PIK3R4: variants seen among roughly 807,000 people sequenced by gnomAD.
PIK3R4 encodes the protein phosphoinositide-3-kinase regulatory subunit 4.
In PIK3R4, 46 loss-of-function variants were observed where a neutral mutation model predicts 136.5. The ratio of observed to expected loss-of-function variants is 0.34; its 90% CI spans 0.27 to 0.43. The LOEUF (loss-of-function observed/expected upper bound fraction) is 0.43. PIK3R4 is among the 20% of genes least tolerant of loss of function. The pLI is 1.00. For synonymous variants in PIK3R4, 557 were observed against 566.7 expected (o/e 0.98, Z 0.24); for missense variants, 1,331 against 1,649.5 (o/e 0.81, Z 3.35).
rs538273210 is a variant in PIK3R4, at chr3:130,734,126, G to A, written c.872C>T (p.Thr291Ile). 1.2e-6 allele frequency: 2 copies of A among 1,607,246 alleles called. No individual in the cohort carries two copies. Among genetic ancestry groups the A allele is most frequent in the Middle Eastern group, 1.7e-4 (1 of 6,026 alleles). The change falls in exon 4 of 20, where the codon ACT (threonine) becomes ATT (isoleucine). Residue 291 changes from threonine to isoleucine, a missense_variant. This residue lies in a region of PIK3R4 where 1,180 missense variants were observed against 1,407.0 expected (regional missense o/e 0.84). Transcript: ENST00000356763. ...ATCTGGCTCACGGTGAATCATCTGA[G>A]TTACCTATACCAAGGGAAGAAAAGG... is the stretch of plus-strand genomic sequence containing the variant. ...IEDHSIRELV[T>I]QMIHREPDKR...
chr3:130,705,901 C>T (rs2066603789), intron 11 of PIK3R4, 130 bp from the exon 12 acceptor site: 2 of 519,760 alleles, frequency 3.8e-6, no homozygotes, highest in East Asian at 3.1e-5. Flanking sequence ...ATTTTAAAAT[C>T]GATATAATTA....
At chr3:130,681,637 G>A (rs2066459047) in intron 16 of PIK3R4, 46 bp from the exon 17 acceptor site, 1 of 1,186,134 alleles carries the variant, frequency 8.4e-7, no homozygotes, top group South Asian at 1.3e-5. Context: ...AAAAAGAGTT[G>A]GAGAAGATTA....
intron 2 of PIK3R4, among the ~76,000 whole-genome samples, chr3:130,736,460 T>G (rs995755582): frequency 2.0e-5 from 3 of 152,048 alleles, no homozygotes; most frequent in Non-Finnish European, 2.9e-5. Flanking sequence ...TCCCAGCTAC[T>G]TGGGAGGCTG....
chr3:130,706,418 TG>T (rs2066606395), intron 11 of PIK3R4, among the ~76,000 whole-genome samples: 1 of 152,144 alleles, frequency 6.6e-6, no homozygotes. Context: ...ACATGAAAAA[TG>T]GGATGGCTAT....
chr3:130,680,568 T>C lies in PIK3R4; in HGVS notation c.3906+45A>G, dbSNP rs978205785. On this transcript the variant is annotated intron_variant, in intron 19 of 19. Coordinates refer to ENST00000356763, the MANE Select transcript of PIK3R4 (RefSeq NM_014602.3). ...TAATCAATTCTGTTTACAAAAGCCA[T>C]GTTTGTGCTTACAAAAGGTGAAAGG... is the stretch of plus-strand genomic sequence containing the variant. 6 of 1,029,572 alleles carry C rather than the reference T, an allele frequency of 5.8e-6. No homozygotes were observed. In the Admixed American group the frequency reaches 9.8e-5, roughly 17 times the overall value. The allele number at this position is 1,029,572 out of a possible 1,614,324, so 63.8% of individuals were successfully genotyped here. A position where few individuals can be genotyped will look rare whatever the true frequency, so the allele number is the denominator to read the frequency against.
At chr3:130,736,175 T>A (rs979253161) in intron 2 of PIK3R4, among the ~76,000 whole-genome samples, 173 bp from the exon 3 acceptor site, 8 of 152,220 alleles carry the variant, frequency 5.3e-5, no homozygotes, top group African/African-American at 1.7e-4. Context: ...AAATGTCTAT[T>A]ACCCGAACAC....
intron 12 of PIK3R4, among the ~76,000 whole-genome samples, chr3:130,705,296 C>A (rs913189100): frequency 1.3e-5 from 2 of 152,076 alleles, no homozygotes; most frequent in Non-Finnish European, 2.9e-5. Flanking sequence ...ACAGGCAAAA[C>A]CTAGTACTAT....
intron 17 of PIK3R4, 42 bp downstream of exon 17, chr3:130,681,449 G>C: frequency 8.5e-7 from 1 of 1,174,022 alleles, no homozygotes; most frequent in Non-Finnish European, 1.3e-6. Context: ...CTTAGGATGT[G>C]GGGAATAATA....
chr3:130,703,962 T>A lies in PIK3R4; in HGVS notation c.2933-74A>T, dbSNP rs573394712. On this transcript the variant is annotated intron_variant, in intron 12 of 19. Transcript: ENST00000356763. Reference sequence around the variant, plus strand: ...ATGTCCCCATCATCCCCTGTTATAATAACCAACAACCAGCTTGAAAACAAT... The same window carrying A: ...ATGTCCCCATCATCCCCTGTTATAAAAACCAACAACCAGCTTGAAAACAAT... The A allele has an allele frequency of 5.3e-4, 510 of 959,198 alleles. 1 individual carries two copies. Among genetic ancestry groups the A allele is most frequent in the Non-Finnish European group, 7.1e-4 (448 of 627,078 alleles). The allele number at this position is 959,198 out of a possible 1,614,324, so 59.4% of individuals were successfully genotyped here.
chr3:130,698,491 C>T (rs1243383711), intron 13 of PIK3R4, among the ~76,000 whole-genome samples: 1 of 152,132 alleles, frequency 6.6e-6, no homozygotes, highest in African/African-American at 2.4e-5. Flanking sequence ...TGAAGTTCTC[C>T]AGCAAATTTT....
intron 7 of PIK3R4, among the ~76,000 whole-genome samples, chr3:130,722,753 G>GT (rs992986113): frequency 1.3e-4 from 20 of 151,818 alleles, no homozygotes; most frequent in African/African-American, 4.6e-4. Flanking sequence ...CCACATCATG[G>GT]TTTTTTTAAC....
In PIK3R4 at chr3:130,723,650, A is replaced by T. The variant is rs1317681643; in HGVS notation, c.1808-63T>A. ...CCTAAAAGTACATATATCATTAAGT[A>T]AAGCAATAAAATTAAGCAAAAGCCA... On this transcript the variant is annotated intron_variant, in intron 6 of 19. Transcript: ENST00000356763. The T allele has an allele frequency of 4.3e-6, 6 of 1,396,792 alleles. No individual in the cohort carries two copies. In the African/African-American group the frequency reaches 7.3e-5, roughly 17 times the overall value. The allele number at this position is 1,396,792 out of a possible 1,614,324, so 86.5% of individuals were successfully genotyped here.
chr3:130,736,040 TA>T (rs111464199), intron 2 of PIK3R4, 38 bp from the exon 3 acceptor site: 1 of 1,534,430 alleles, frequency 6.5e-7, no homozygotes, highest in Non-Finnish European at 8.9e-7. Flanking sequence ...AGAAAAGAGA[TA>T]AAAAATATCA....
At position 130,708,369 on chromosome 3, in the gene PIK3R4, T is replaced by C; in HGVS notation, c.2455A>G (p.Ile819Val). ...GTTATGCCTAAAGCTGCCAAGTCAA[T>C]TACACCTTTCTGACTACTATCATGA... ...HLHDSSQKGV[I>V]DLAALGITGR... Residue 819 changes from isoleucine (I) to valine (V), a missense_variant, in exon 10 of 20, where the codon ATT becomes GTT. Around this residue, in one of 2 missense-constraint regions of PIK3R4, gnomAD observed 1,180 missense variants for 1,407.0 expected, o/e 0.84. Coordinates refer to ENST00000356763, the MANE Select transcript of PIK3R4 (RefSeq NM_014602.3). 1.9e-6 allele frequency: 3 copies of C among 1,613,824 alleles called. No individual in the cohort carries two copies. The highest frequency in any genetic ancestry group is 2.5e-6 in the Non-Finnish European group (3 of 1,179,742).
intron 15 of PIK3R4, among the ~76,000 whole-genome samples, chr3:130,684,877 T>C (rs559837228): frequency 2.6e-4 from 39 of 152,294 alleles, no homozygotes; most frequent in African/African-American, 8.9e-4. Context: ...ACAGGTATGT[T>C]ACATCTTTCT....
At chr3:130,708,584 C>T (rs1278628270) in intron 9 of PIK3R4, 92 bp from the exon 10 acceptor site, 4 of 1,124,340 alleles carry the variant, frequency 3.6e-6, no homozygotes, top group Admixed American at 4.7e-5. Context: ...GACAAATCAC[C>T]CAATTTAAAA....
At chr3:130,703,657 G>A in intron 13 of PIK3R4, 66 bp downstream of exon 13, 2 of 1,232,268 alleles carry the variant, frequency 1.6e-6, no homozygotes, top group Non-Finnish European at 2.4e-6. Flanking sequence ...TTATTATAGA[G>A]TAAACACTCA....
Position 130,733,907 on chromosome 3 carries a change from T to G in PIK3R4, c.1091A>C (p.Glu364Ala). 1.2e-6 allele frequency: 2 copies of G among 1,614,134 alleles called. No individual in the cohort carries two copies. The highest frequency in any genetic ancestry group is 1.7e-6 in the Non-Finnish European group (2 of 1,179,972). ...TTCCTTAGGCTCTCCTTCGGCTTTT[T>G]CTGGCAGATCATGTCCACAGAGATT... ...IHNLCGHDLP[E>A]KAEGEPKENG... The change falls in exon 4 of 20, where the codon GAA becomes GCA. Residue 364 changes from glutamate to alanine, a missense_variant. By Grantham distance (107) the Glu-to-Ala change is moderately radical. Around this residue, in one of 2 missense-constraint regions of PIK3R4, gnomAD observed 1,180 missense variants for 1,407.0 expected, o/e 0.84. Coordinates refer to ENST00000356763, the MANE Select transcript of PIK3R4 (RefSeq NM_014602.3).
chr3:130,705,410 T>G (rs1345306134), intron 12 of PIK3R4, 151 bp downstream of exon 12: 1 of 610,922 alleles, frequency 1.6e-6, no homozygotes, highest in Non-Finnish European at 2.9e-6. Flanking sequence ...AATGACAAGA[T>G]TTCTTACTTA....
Sources: allele counts gnomAD v4.1 joint callset (sites outside exome capture counted in the v4.1 genomes callset), GRCh38; gene constraint gnomAD v4.1.1; regional missense constraint gnomAD v4.1.1; transcripts MANE v1.5; gene names NCBI Gene and HGNC (gene_info 2026-07-23, HGNC 2026-07-21).